KCNJ6: variants seen among roughly 807,000 people sequenced by gnomAD.
The protein encoded by KCNJ6 is potassium inwardly rectifying channel subfamily J member 6.
KCNJ6 carries 9 observed loss-of-function variants against 34.2 expected under a neutral mutation model. The ratio of observed to expected loss-of-function variants is 0.26; its 90% CI spans 0.16 to 0.46. The LOEUF (loss-of-function observed/expected upper bound fraction) is 0.46, where lower values mean the gene tolerates loss of function less well. KCNJ6 is among the 20% of genes least tolerant of loss of function. The probability of loss-of-function intolerance (pLI) is 1.00; values close to 1 mark genes in which losing one functional copy is unlikely to be tolerated. For missense variants in KCNJ6, 236 were observed against 531.3 expected (o/e 0.44, Z 5.46); for synonymous variants, 196 against 207.1 (o/e 0.95, Z 0.46).
chr21:37,685,166 C>T (rs1007721961), intron 3 of KCNJ6, among the ~76,000 whole-genome samples: 7 of 152,166 alleles, frequency 4.6e-5, no homozygotes, highest in South Asian at 2.1e-4. Flanking sequence ...AGATGCCCAA[C>T]TACATGCTAG....
intron 1 of KCNJ6, among the ~76,000 whole-genome samples, chr21:37,908,928 T>A (rs1479438536): frequency 6.6e-6 from 1 of 152,218 alleles, no homozygotes; most frequent in Non-Finnish European, 1.5e-5. Flanking sequence ...CCAGTTTCCC[T>A]CCTCCTGGAT....
intron 2 of KCNJ6, among the ~76,000 whole-genome samples, chr21:37,751,060 T>C (rs1289032480): frequency 6.6e-6 from 1 of 152,318 alleles, no homozygotes; most frequent in East Asian, 1.9e-4. Flanking sequence ...AGTTCCATGA[T>C]GTCTTTTTGA....
intron 1 of KCNJ6, among the ~76,000 whole-genome samples, chr21:37,857,508 T>C (rs2055571174): frequency 6.6e-6 from 1 of 152,212 alleles, no homozygotes; most frequent in African/African-American, 2.4e-5. Context: ...AATCTTTTTG[T>C]GTGGCTGAGT....
chr21:37,860,488 A>G (rs1022276054), intron 1 of KCNJ6, among the ~76,000 whole-genome samples: 2 of 152,190 alleles, frequency 1.3e-5, no homozygotes, highest in Non-Finnish European at 2.9e-5. Context: ...CTGGCTTCGA[A>G]GTAGAAATAA....
chr21:37,659,013 A>G (rs763379374), intron 3 of KCNJ6, among the ~76,000 whole-genome samples: 8 of 152,162 alleles, frequency 5.3e-5, no homozygotes, highest in Non-Finnish European at 8.8e-5. Flanking sequence ...AACACTCCTA[A>G]CTCGTTTCTC....
At chr21:37,896,809 G>A (rs1294476667) in intron 1 of KCNJ6, among the ~76,000 whole-genome samples, 2 of 152,186 alleles carry the variant, frequency 1.3e-5, no homozygotes, top group African/African-American at 2.4e-5. Context: ...AGAGGCAGCG[G>A]AGGACCCCAG....
chr21:37,711,665 T>C (rs2054752886), intron 3 of KCNJ6, among the ~76,000 whole-genome samples: 1 of 152,206 alleles, frequency 6.6e-6, no homozygotes, highest in South Asian at 2.1e-4. Flanking sequence ...AATTGAGCTT[T>C]TCATTCACAA....
intron 3 of KCNJ6, among the ~76,000 whole-genome samples, chr21:37,659,295 G>A (rs74671235): frequency 0.021 from 3,155 of 152,288 alleles, 50 homozygotes; most frequent in Non-Finnish European, 0.032. Flanking sequence ...CACCAAATAA[G>A]TCATGGACAT....
chr21:37,730,836 T>C (rs1319063738), intron 2 of KCNJ6, among the ~76,000 whole-genome samples: 1 of 152,204 alleles, frequency 6.6e-6, no homozygotes, highest in Admixed American at 6.5e-5. Context: ...TGGGAAATTA[T>C]TGTGGCTCTG....
At chr21:37,742,897 G>A (rs1179902403) in intron 2 of KCNJ6, among the ~76,000 whole-genome samples, 1 of 152,138 alleles carries the variant, frequency 6.6e-6, no homozygotes, top group Non-Finnish European at 1.5e-5. Flanking sequence ...CTCTGCACTT[G>A]GGGGAACTCA....
At position 37,714,548 on chromosome 21, in the gene KCNJ6, C is replaced by G. The variant is rs746288638; in HGVS notation, c.609G>C (p.Leu203=). 2.5e-6 allele frequency: 4 copies of G among 1,614,012 alleles called. No homozygotes were observed. The highest frequency in any genetic ancestry group is 3.3e-5 in the Admixed American group (2 of 60,008). Residue 203 remains leucine, a synonymous_variant, in exon 3 of 4, where the codon CTG becomes CTC. Transcript: ENST00000609713. This position sits in a 1 kb window ranked among gnomAD's most constrained non-coding sequence, Gnocchi z 5.9. ...ISQPKKRAET[L]VFSTHAVISM... The stretch of plus-strand genomic sequence containing the variant: ...AGATCACTGCATGGGTGGAAAAGAC[C>G]AGGGTCTCTGCCCTCTTCTTGGGTT...
At chr21:37,837,741 C>T (rs1568866906) in intron 2 of KCNJ6, among the ~76,000 whole-genome samples, 1 of 151,148 alleles carries the variant, frequency 6.6e-6, no homozygotes, top group Non-Finnish European at 1.5e-5. Context: ...CAGAGTGTGG[C>T]CATGGTTTAT....
chr21:37,912,178 C>T (rs964786321), intron 1 of KCNJ6, among the ~76,000 whole-genome samples: 1 of 152,046 alleles, frequency 6.6e-6, no homozygotes, highest in South Asian at 2.1e-4. Context: ...AAAATGGAAC[C>T]AAGTGAATGG....
chr21:37,714,127 A>C lies in KCNJ6; in HGVS notation c.946+84T>G, dbSNP rs748319870. The C allele has an allele frequency of 1.0e-5, 10 of 970,354 alleles. No homozygotes were observed. Among genetic ancestry groups the C allele is most frequent in the Non-Finnish European group, 1.4e-5 (9 of 629,460 alleles). 60.1% of individuals were successfully genotyped at this position (970,354 alleles called of 1,614,324 possible). A position where few individuals can be genotyped will look rare whatever the true frequency, so the allele number is the denominator to read the frequency against. The stretch of plus-strand genomic sequence containing the variant: ...AATATTGAGTGAGGTTCAGTATTCT[A>C]GATCTTGTAATAGATAAGAACATCA... On this transcript the variant is annotated intron_variant, in intron 3 of 3. Transcript: ENST00000609713. This position sits in a 1 kb window ranked among gnomAD's most constrained non-coding sequence, Gnocchi z 5.9.
At position 37,621,813 on chromosome 21, in the gene KCNJ6, A is replaced by T. The variant is rs1043217920; in HGVS notation, c.*3346T>A. Reference sequence around the variant, plus strand: ...ACATAGAGGGGATATATGCTGGAACAACCAGGCTGGAAGGCCATGTTTGAA... The same window carrying T: ...ACATAGAGGGGATATATGCTGGAACTACCAGGCTGGAAGGCCATGTTTGAA... On this transcript the variant is annotated 3_prime_UTR_variant, in exon 4 of 4. Transcript: ENST00000609713. 3.9e-5 allele frequency: 6 copies of T among 152,280 alleles called. No homozygotes were observed. Among genetic ancestry groups the T allele is most frequent in the African/African-American group, 1.4e-4 (6 of 41,460 alleles). The allele number at this position is 152,280 out of a possible 1,614,324, so 9.4% of individuals were successfully genotyped here. A position where few individuals can be genotyped will look rare whatever the true frequency, so the allele number is the denominator to read the frequency against.
intron 1 of KCNJ6, 23 bp from the exon 2 acceptor site, chr21:37,840,732 AT>A: frequency 7.5e-7 from 1 of 1,334,082 alleles, no homozygotes; most frequent in Non-Finnish European, 1.1e-6. Flanking sequence ...AGAAAAGACA[AT>A]TATCTGTAAA....
chr21:37,678,066 T>A, intron 3 of KCNJ6, among the ~76,000 whole-genome samples: 1 of 152,016 alleles, frequency 6.6e-6, no homozygotes, highest in Non-Finnish European at 1.5e-5. Flanking sequence ...TGCATTTGAG[T>A]GTTATGCACA....
At chr21:37,693,327 A>G (rs858008) in intron 3 of KCNJ6, among the ~76,000 whole-genome samples, 86,936 of 152,042 alleles carry the variant, frequency 0.57, 25,324 homozygotes, top group African/African-American at 0.68. Flanking sequence ...GGAGGATGGG[A>G]GTCTTAAATT....
intron 2 of KCNJ6, among the ~76,000 whole-genome samples, chr21:37,785,376 G>A (rs2055188164): frequency 6.6e-6 from 1 of 152,192 alleles, no homozygotes; most frequent in Non-Finnish European, 1.5e-5. Flanking sequence ...AAACCACCTT[G>A]TCTGTAAGTA....
Sources: allele counts gnomAD v4.1 joint callset (sites outside exome capture counted in the v4.1 genomes callset), GRCh38; gene constraint gnomAD v4.1.1; non-coding constraint Gnocchi (gnomAD v3.1); transcripts MANE v1.5; gene names NCBI Gene and HGNC (gene_info 2026-07-23, HGNC 2026-07-21).